ELAVL1: variants seen among roughly 807,000 people sequenced by gnomAD.
ELAVL1 encodes the protein ELAV like RNA binding protein 1, also known as ELAV-like protein 1.
Under a neutral mutation model 28.4 loss-of-function variants are expected in ELAVL1, and 1 was observed. The observed-to-expected ratio is 0.04, with a 90% CI of 0.01 to 0.17. ELAVL1 has a LOEUF of 0.17. Among genes scored for constraint, ELAVL1 ranks in the 10% least tolerant of loss-of-function variants. The pLI, the probability that ELAVL1 is intolerant of heterozygous loss-of-function variation, is 1.00. For missense variants in ELAVL1, 157 were observed against 447.2 expected (o/e 0.35, Z 5.85); for synonymous variants, 174 against 183.5 (o/e 0.95, Z 0.42).
At chr19:7,992,771 G>C (rs1452429361) in intron 1 of ELAVL1, among the ~76,000 whole-genome samples, 1 of 152,160 alleles carries the variant, frequency 6.6e-6, no homozygotes, top group Non-Finnish European at 1.5e-5. Flanking sequence ...TGTCAATATT[G>C]ATTCACCAAG....
intron 1 of ELAVL1, chr19:8,001,982 T>G (rs1183442294): frequency 8.1e-7 from 1 of 1,230,222 alleles, no homozygotes; most frequent in African/African-American, 1.5e-5. Flanking sequence ...GGTTTCTCCT[T>G]GTCTCCCCCC....
Position 7,963,361 on chromosome 19 carries a change from CTCAT to C in ELAVL1, c.*118_*121del. ...CCAGAGTATAAAAACCTTCTCACTT[CTCAT>C]TCAGACAAAGACAAACACTTGTGAA... is the stretch of plus-strand genomic sequence containing the variant. On this transcript the variant is annotated 3_prime_UTR_variant, in exon 6 of 6. Transcript: ENST00000407627. The surrounding 1 kb of genome is among the most constrained non-coding windows in gnomAD (Gnocchi z 4.5). 4 of 1,195,594 alleles carry C rather than the reference CTCAT, an allele frequency of 3.3e-6. No homozygotes were observed. Among genetic ancestry groups the C allele is most frequent in the Non-Finnish European group, 1.2e-6 (1 of 861,376 alleles). 74.1% of individuals were successfully genotyped at this position (1,195,594 alleles called of 1,614,324 possible).
In ELAVL1 at chr19:7,990,179, C is replaced by T. The variant is rs560268951; in HGVS notation, c.172+1465G>A. ...CTGGGATTATAGGCGTGCGCCACCA[C>T]GCCTGGCTAATTTTTGAATTTTAGT... On this transcript the variant is annotated intron_variant, in intron 2 of 5. Coordinates refer to ENST00000407627, the MANE Select transcript of ELAVL1 (RefSeq NM_001419.3). Among the ~76,000 whole-genome samples the T allele has an allele frequency of 1.2e-3, 189 of 152,202 alleles. 1 individual carries two copies. Among genetic ancestry groups the T allele is most frequent in the African/African-American group, 4.4e-3 (181 of 41,508 alleles).
intron 2 of ELAVL1, among the ~76,000 whole-genome samples, chr19:7,989,281 G>T (rs1232405071): frequency 6.6e-6 from 1 of 152,212 alleles, no homozygotes; most frequent in African/African-American, 2.4e-5. Flanking sequence ...CCAGTCACTT[G>T]AAGGGCTGCT....
At chr19:8,003,712 A>AATAGCACC (rs2081077362) in intron 1 of ELAVL1, among the ~76,000 whole-genome samples, 1 of 151,682 alleles carries the variant, frequency 6.6e-6, no homozygotes, top group Non-Finnish European at 1.5e-5. Flanking sequence ...AAAAAAAAGA[A>AATAGCACC]ATAGCACCAT....
At chr19:8,001,137 G>T (rs980499302) in intron 1 of ELAVL1, among the ~76,000 whole-genome samples, 16 of 152,286 alleles carry the variant, frequency 1.1e-4, no homozygotes, top group African/African-American at 3.9e-4. Context: ...GGTACAGTGA[G>T]TACCTGTCTC....
At chr19:7,998,028 C>G (rs1227698129) in intron 1 of ELAVL1, among the ~76,000 whole-genome samples, 1 of 152,176 alleles carries the variant, frequency 6.6e-6, no homozygotes, top group African/African-American at 2.4e-5. Context: ...GGCCCTGTTC[C>G]TCCTGACACT....
chr19:7,962,431 C>A lies in ELAVL1; in HGVS notation c.*1052G>T, dbSNP rs1387571796. 6.6e-6 allele frequency: 1 copy of A among 152,544 alleles called. No homozygotes were observed. The highest frequency in any genetic ancestry group is 1.5e-5 in the Non-Finnish European group (1 of 67,996). 9.4% of individuals were successfully genotyped at this position (152,544 alleles called of 1,614,324 possible). The stretch of plus-strand genomic sequence containing the variant: ...AGGGTTAATCTTTAAAACTACAAAT[C>A]AAAGGTTTTGGTTAATAGATAACTG... On this transcript the variant is annotated 3_prime_UTR_variant, in exon 6 of 6. Coordinates refer to ENST00000407627, the MANE Select transcript of ELAVL1 (RefSeq NM_001419.3).
rs533374602 is a variant in ELAVL1, at chr19:7,960,866, A to G, written c.*2617T>C. 15 of 152,358 alleles carry G rather than the reference A, an allele frequency of 9.8e-5. No individual in the cohort carries two copies. The highest frequency in any genetic ancestry group is 8.8e-5 in the Non-Finnish European group (6 of 68,032). The allele number at this position is 152,358 out of a possible 1,614,324, so 9.4% of individuals were successfully genotyped here. The stretch of plus-strand genomic sequence containing the variant: ...CTCCCCTTTGCAAACAGGCCTTGAT[A>G]AGATGTAATGAACTTTGAGGACACA... On this transcript the variant is annotated 3_prime_UTR_variant, in exon 6 of 6. Coordinates refer to ENST00000407627, the MANE Select transcript of ELAVL1 (RefSeq NM_001419.3).
intron 1 of ELAVL1, among the ~76,000 whole-genome samples, chr19:8,005,067 G>C (rs547392520): frequency 6.6e-6 from 1 of 152,030 alleles, no homozygotes; most frequent in Non-Finnish European, 1.5e-5. Context: ...CTCTGACAAC[G>C]ACCACAAAAG....
chr19:7,967,723 A>G lies in ELAVL1; in HGVS notation c.498T>C (p.Ser166=). 2.5e-6 allele frequency: 4 copies of G among 1,614,122 alleles called. No homozygotes were observed. The highest frequency in any genetic ancestry group is 1.3e-5 in the African/African-American group (1 of 75,006). The change falls in exon 5 of 6, where the codon AGT becomes AGC. Residue 166 remains serine, a synonymous_variant. Coordinates refer to ENST00000407627, the MANE Select transcript of ELAVL1 (RefSeq NM_001419.3). ...AACCTGGGGGTTTATGACCATTGAA[A>G]CTGGTAATTGCCTCTTCTGCCTCCG... is the stretch of plus-strand genomic sequence containing the variant. ...KRSEAEEAIT[S]FNGHKPPGSS...
At chr19:8,004,071 T>A (rs1449592983) in intron 1 of ELAVL1, among the ~76,000 whole-genome samples, 1 of 152,164 alleles carries the variant, frequency 6.6e-6, no homozygotes, top group East Asian at 1.9e-4. Context: ...AGTTTCTTCA[T>A]CTCTAAAATG....
intron 1 of ELAVL1, among the ~76,000 whole-genome samples, chr19:7,994,437 C>T (rs185791444): frequency 3.1e-4 from 47 of 152,230 alleles, no homozygotes; most frequent in Admixed American, 1.5e-3. Flanking sequence ...AAACTTGATT[C>T]GGAACATCTA....
rs1984844611 is a variant in ELAVL1 at position 7,962,710 on chromosome 19, C to A, written c.*773G>T. 6.5e-6 allele frequency: 1 copy of A among 152,726 alleles called. No individual in the cohort carries two copies. Among genetic ancestry groups the A allele is most frequent in the African/African-American group, 2.4e-5 (1 of 41,476 alleles). 9.5% of individuals were successfully genotyped at this position (152,726 alleles called of 1,614,324 possible). A position where few individuals can be genotyped will look rare whatever the true frequency, so the allele number is the denominator to read the frequency against. On this transcript the variant is annotated 3_prime_UTR_variant, in exon 6 of 6. Coordinates refer to ENST00000407627, the MANE Select transcript of ELAVL1 (RefSeq NM_001419.3). ...GGGCGCTGTGCATGCAATGTGTGGA[C>A]AGAAACTCGGGATGTCAGAGTAGCA...
Position 7,961,708 on chromosome 19 carries a change from G to C in ELAVL1, c.*1775C>G, listed in dbSNP as rs989808289. The C allele has an allele frequency of 6.6e-6, 1 of 152,130 alleles. No individual in the cohort carries two copies. Among genetic ancestry groups the C allele is most frequent in the East Asian group, 1.9e-4 (1 of 5,182 alleles). The allele number at this position is 152,130 out of a possible 1,614,324, so 9.4% of individuals were successfully genotyped here. Reference sequence around the variant, plus strand: ...AACATCATCAATTTGCAAGGATCGCGCACACAGCCCCTCAGTAAAAGATCA... The same window carrying C: ...AACATCATCAATTTGCAAGGATCGCCCACACAGCCCCTCAGTAAAAGATCA... On this transcript the variant is annotated 3_prime_UTR_variant, in exon 6 of 6. Transcript: ENST00000407627.
rs1048991088 is a variant in ELAVL1, at chr19:7,979,615, G to C, written c.276+1468C>G. Among the ~76,000 whole-genome samples, 1 of 152,238 alleles carries C rather than the reference G, an allele frequency of 6.6e-6. No homozygotes were observed. The highest frequency in any genetic ancestry group is 1.5e-5 in the Non-Finnish European group (1 of 68,030). On this transcript the variant is annotated intron_variant, in intron 3 of 5. Coordinates refer to ENST00000407627, the MANE Select transcript of ELAVL1 (RefSeq NM_001419.3). This position sits in a 1 kb window ranked among gnomAD's most constrained non-coding sequence, Gnocchi z 5.4. ...GCCACCTGGGGCTGGAGGCGAGGAA[G>C]GGCTGCCCCTGCTCAGGTGGAATCC... is the stretch of plus-strand genomic sequence containing the variant.
chr19:7,969,436 G>C (rs1039954369), intron 4 of ELAVL1, among the ~76,000 whole-genome samples: 1 of 152,100 alleles, frequency 6.6e-6, no homozygotes, highest in Non-Finnish European at 1.5e-5. Flanking sequence ...TCGCGACACT[G>C]CAGGCCCCCC....
Position 7,959,724 on chromosome 19 carries a change from C to T in ELAVL1, c.*3759G>A, listed in dbSNP as rs1223039740. On this transcript the variant is annotated 3_prime_UTR_variant, in exon 6 of 6. Transcript: ENST00000407627. ...ACTGCCATCATTACACGCCAATTGCCAATGCCACTTAAAAGAAAGCACTTG... is the reference window on the plus strand; with the variant it reads ...ACTGCCATCATTACACGCCAATTGCTAATGCCACTTAAAAGAAAGCACTTG... 1 of 152,146 alleles carries T rather than the reference C, an allele frequency of 6.6e-6. No individual in the cohort carries two copies. Among genetic ancestry groups the T allele is most frequent in the Admixed American group, 6.5e-5 (1 of 15,270 alleles). 9.4% of individuals were successfully genotyped at this position (152,146 alleles called of 1,614,324 possible). A position where few individuals can be genotyped will look rare whatever the true frequency, so the allele number is the denominator to read the frequency against.
chr19:7,992,249 A>C (rs924057285), intron 1 of ELAVL1, among the ~76,000 whole-genome samples: 2 of 151,360 alleles, frequency 1.3e-5, no homozygotes, highest in Admixed American at 1.3e-4. Context: ...CCCTGCACTT[A>C]GAGATTCTTT....
Sources: gnomAD v4.1 joint callset for allele counts (sites outside exome capture counted in the v4.1 genomes callset) on GRCh38, gnomAD v4.1.1 for gene constraint, Gnocchi (gnomAD v3.1) non-coding constraint, MANE v1.5 for transcripts, NCBI Gene and HGNC (gene_info 2026-07-23, HGNC 2026-07-21) for gene names.